The following FAT3 variants were observed in gnomAD, a reference collection of about 807,000 sequenced individuals.
FAT3 encodes FAT atypical cadherin 3, also known as protocadherin Fat 3.
Under a neutral mutation model 310.2 loss-of-function variants are expected in FAT3, and 95 were observed. That is an observed-to-expected ratio of 0.31 (90% CI 0.26 to 0.36). The LOEUF is 0.36. FAT3 is among the 10% of genes least tolerant of loss of function. The pLI is 1.00. For missense variants in FAT3, 5,408 were observed against 5,715.6 expected (o/e 0.95, Z 1.74); for synonymous variants, 2,314 against 2,192.9 (o/e 1.06, Z -1.54).
chr11:92,874,350 CAGA>C (rs1949473128), intron 22 of FAT3, among the ~76,000 whole-genome samples: 1 of 152,114 alleles, frequency 6.6e-6, no homozygotes, highest in East Asian at 1.9e-4. Context: ...ATTGGATTCC[CAGA>C]AGGAGTTTCT....
intron 4 of FAT3, among the ~76,000 whole-genome samples, chr11:92,726,384 C>CA (rs1052944207): frequency 6.6e-6 from 1 of 152,000 alleles, no homozygotes; most frequent in Non-Finnish European, 1.5e-5. Flanking sequence ...ATATATTCAT[C>CA]AAAAATATGA....
At chr11:92,760,363 T>C (rs1274906845) in intron 4 of FAT3, among the ~76,000 whole-genome samples, 3 of 152,254 alleles carry the variant, frequency 2.0e-5, no homozygotes, top group African/African-American at 4.8e-5. Context: ...GTTTCAGTTA[T>C]ACCTGTCAGG....
At chr11:92,693,511 A>T (rs1321482828) in intron 3 of FAT3, among the ~76,000 whole-genome samples, 1 of 152,122 alleles carries the variant, frequency 6.6e-6, no homozygotes, top group Non-Finnish European at 1.5e-5. Context: ...TTGTTGTCTT[A>T]TTCTCTATTT....
chr11:92,886,531 T>G (rs1949801055), intron 24 of FAT3, among the ~76,000 whole-genome samples: 1 of 152,214 alleles, frequency 6.6e-6, no homozygotes, highest in African/African-American at 2.4e-5. Context: ...AAATTCCACT[T>G]ACTGTCCAGA....
chr11:92,619,807 A>C (rs1186974282), intron 3 of FAT3, among the ~76,000 whole-genome samples: 1 of 151,840 alleles, frequency 6.6e-6, no homozygotes, highest in East Asian at 1.9e-4. Context: ...TAAAAAAAAC[A>C]CTTTTAGTTT....
At chr11:92,862,398 A>C (rs1033340188) in intron 21 of FAT3, among the ~76,000 whole-genome samples, 3 of 152,244 alleles carry the variant, frequency 2.0e-5, no homozygotes, top group African/African-American at 4.8e-5. Context: ...AGGAGAAATC[A>C]GTAGGAGAAC....
intron 2 of FAT3, among the ~76,000 whole-genome samples, chr11:92,512,105 C>G (rs1013067172): frequency 6.6e-6 from 1 of 152,072 alleles, no homozygotes; most frequent in African/African-American, 2.4e-5. Context: ...ACTTGATTAG[C>G]TGGGCAATTC....
At chr11:92,546,961 A>G (rs1410923681) in intron 3 of FAT3, among the ~76,000 whole-genome samples, 2 of 152,208 alleles carry the variant, frequency 1.3e-5, no homozygotes, top group Non-Finnish European at 2.9e-5. Context: ...AATTAGATTA[A>G]TTTCCCCAGA....
chr11:92,795,518 G>C (rs1041341199), intron 9 of FAT3, among the ~76,000 whole-genome samples: 4 of 151,990 alleles, frequency 2.6e-5, no homozygotes, highest in African/African-American at 4.8e-5. Flanking sequence ...GTCAAAGAGG[G>C]AAAGAGGAGA....
At chr11:92,470,186 TTCTC>T (rs1275354515) in intron 2 of FAT3, among the ~76,000 whole-genome samples, 1 of 152,188 alleles carries the variant, frequency 6.6e-6, no homozygotes, top group Non-Finnish European at 1.5e-5. Context: ...CTGAAGGAAA[TTCTC>T]TCTTCCATAC....
At chr11:92,823,490 G>A (rs570163328) in intron 13 of FAT3, among the ~76,000 whole-genome samples, 5 of 152,258 alleles carry the variant, frequency 3.3e-5, no homozygotes, top group Admixed American at 1.3e-4. Flanking sequence ...AGGGCCCTGT[G>A]TTTCACTTAG....
At chr11:92,331,299 T>C (rs1307829376) in intron 1 of FAT3, among the ~76,000 whole-genome samples, 1 of 151,670 alleles carries the variant, frequency 6.6e-6, no homozygotes, top group Non-Finnish European at 1.5e-5. Context: ...TTTTTTTTTT[T>C]CAAAATGAGA....
At chr11:92,517,748 A>C (rs1243475825) in intron 2 of FAT3, among the ~76,000 whole-genome samples, 1 of 152,196 alleles carries the variant, frequency 6.6e-6, no homozygotes, top group Non-Finnish European at 1.5e-5. Flanking sequence ...AATATCCAGA[A>C]TCTACAAGGA....
rs77460166 is a variant in FAT3, at chr11:92,884,211, C to T, written c.12937+818C>T. ...CGGTGCAGTTGGAGCTTGCTGAGCACCAGAGAACGGATACATTTTAACAGC... is the reference window on the plus strand; with the variant it reads ...CGGTGCAGTTGGAGCTTGCTGAGCATCAGAGAACGGATACATTTTAACAGC... On this transcript the variant is annotated intron_variant, in intron 24 of 27. Coordinates refer to ENST00000525166, the MANE Select transcript of FAT3 (RefSeq NM_001367949.2). Among the ~76,000 whole-genome samples the T allele has an allele frequency of 7.9e-3, 1,203 of 152,234 alleles. 13 individuals carry two copies. The highest frequency in any genetic ancestry group is 0.028 in the African/African-American group (1,143 of 41,526).
At chr11:92,565,307 G>T (rs953202899) in intron 3 of FAT3, among the ~76,000 whole-genome samples, 2 of 149,906 alleles carry the variant, frequency 1.3e-5, no homozygotes, top group Non-Finnish European at 3.0e-5. Context: ...TAAATTCCTC[G>T]ACACATACAC....
rs1948661072 is a variant in FAT3, at chr11:92,354,221, T to C, written c.2109T>C (p.Asn703=). Residue 703 remains asparagine (N), a synonymous_variant, in exon 2 of 28, where the codon AAT becomes AAC. Transcript: ENST00000525166. ...AACTACTCATTAAGGCAAAAGCAAATGGGAAACTGAATCTGGAAGATGGAT... is the reference window on the plus strand; with the variant it reads ...AACTACTCATTAAGGCAAAAGCAAACGGGAAACTGAATCTGGAAGATGGAT... ...AEKLLIKAKA[N]GKLNLEDGFL... is the part of the protein sequence containing the mutation. The C allele has an allele frequency of 6.2e-7, 1 of 1,613,640 alleles. No homozygotes were observed. Among genetic ancestry groups the C allele is most frequent in the South Asian group, 1.1e-5 (1 of 91,088 alleles).
intron 1 of FAT3, among the ~76,000 whole-genome samples, chr11:92,269,856 A>G (rs1400109497): frequency 6.6e-6 from 1 of 152,142 alleles, no homozygotes; most frequent in Admixed American, 6.6e-5. Context: ...CCATCCAGAA[A>G]GTTGAGCTTT....
rs1486094815 is a variant in FAT3 at position 92,895,219 on chromosome 11, T to A, written c.*4106T>A. The A allele has an allele frequency of 1.3e-5, 2 of 152,238 alleles. No individual in the cohort carries two copies. Among genetic ancestry groups the A allele is most frequent in the African/African-American group, 4.8e-5 (2 of 41,478 alleles). The allele number at this position is 152,238 out of a possible 1,614,324, so 9.4% of individuals were successfully genotyped here. A position where few individuals can be genotyped will look rare whatever the true frequency, so the allele number is the denominator to read the frequency against. ...GATTTGAAGAGGCATTTATTCCTTG[T>A]CATCATTTTGTGTGCTCTGTGAGAA... On this transcript the variant is annotated 3_prime_UTR_variant, in exon 28 of 28. Coordinates refer to ENST00000525166, the MANE Select transcript of FAT3 (RefSeq NM_001367949.2).
Position 92,416,704 on chromosome 11 carries a change from C to A in FAT3, c.3292+61300C>A, listed in dbSNP as rs570147731. Among the ~76,000 whole-genome samples the A allele has an allele frequency of 2.0e-5, 3 of 152,282 alleles. No homozygotes were observed. The South Asian group carries it at 6.2e-4, about 32-fold the overall frequency. On this transcript the variant is annotated intron_variant, in intron 2 of 27. Coordinates refer to ENST00000525166, the MANE Select transcript of FAT3 (RefSeq NM_001367949.2). Reference sequence around the variant, plus strand: ...AAGCCAGTCCTTGGAAAGCAGTTAACATCTAAGTAATGAGATTTTAGTGGG... The same window carrying A: ...AAGCCAGTCCTTGGAAAGCAGTTAAAATCTAAGTAATGAGATTTTAGTGGG...
Sources: allele counts gnomAD v4.1 joint callset (sites outside exome capture counted in the v4.1 genomes callset), GRCh38; gene constraint gnomAD v4.1.1; transcripts MANE v1.5; gene names NCBI Gene and HGNC (gene_info 2026-07-23, HGNC 2026-07-21).